VAMP7: variants seen among roughly 807,000 people sequenced by gnomAD.
The protein encoded by VAMP7 is vesicle-associated membrane protein 7.
VAMP7 carries 14 observed loss-of-function variants against 29.6 expected under a neutral mutation model. That is an observed-to-expected ratio of 0.47 (90% confidence interval 0.31 to 0.74). The LOEUF is 0.74. Among genes scored for constraint, VAMP7 ranks in the 30% least tolerant of loss-of-function variants. The probability of loss-of-function intolerance (pLI) is 0.05; values close to 1 mark genes in which losing one functional copy is unlikely to be tolerated. For synonymous variants in VAMP7, 95 were observed against 88.1 expected (o/e 1.08, Z -0.44); for missense variants, 223 against 262.4 (o/e 0.85, Z 1.04).
At chrX:155,903,691 A>T (rs2066103009) in intron 5 of VAMP7, among the ~76,000 whole-genome samples, 1 of 152,208 alleles carries the variant, frequency 6.6e-6, no homozygotes, top group Admixed American at 6.5e-5. Context: ...GCAGTCATTA[A>T]AAAGTCAGGA....
intron 5 of VAMP7, among the ~76,000 whole-genome samples, chrX:155,911,434 C>CT (rs1160014387): frequency 6.6e-6 from 1 of 151,984 alleles, no homozygotes; most frequent in East Asian, 1.9e-4. Flanking sequence ...TATTTGGACT[C>CT]TTTTTTGGTT....
intron 5 of VAMP7, among the ~76,000 whole-genome samples, chrX:155,901,384 A>T (rs5983815): frequency 0.016 from 2,365 of 152,052 alleles, 87 homozygotes; most frequent in African/African-American, 0.054. Flanking sequence ...AAATGTATTT[A>T]TTTTGCCCGA....
At chrX:155,920,683 A>T (rs540590138) in intron 6 of VAMP7, among the ~76,000 whole-genome samples, 1 of 152,320 alleles carries the variant, frequency 6.6e-6, no homozygotes, top group African/African-American at 2.4e-5. Context: ...CAAATGACTT[A>T]ACCTCTTTGT....
intron 3 of VAMP7, among the ~76,000 whole-genome samples, chrX:155,897,092 G>A (rs1459455478): frequency 6.6e-6 from 1 of 151,964 alleles, no homozygotes; most frequent in Non-Finnish European, 1.5e-5. Flanking sequence ...ACAGTATTTT[G>A]AGATATCTGT....
At chrX:155,931,715 G>GCTTTGTCA (rs1485904265) in intron 6 of VAMP7, among the ~76,000 whole-genome samples, 100 of 152,102 alleles carry the variant, frequency 6.6e-4, no homozygotes, top group Admixed American at 1.1e-3. Flanking sequence ...TCCTTAATTA[G>GCTTTGTCA]ATCCCATTTG....
chrX:155,932,679 A>G (rs1320586712), intron 6 of VAMP7, among the ~76,000 whole-genome samples: 1 of 152,080 alleles, frequency 6.6e-6, no homozygotes, highest in Non-Finnish European at 1.5e-5. Flanking sequence ...TCCTCTTTTC[A>G]TAATTGAATA....
rs2066761285 is a variant in VAMP7, at chrX:155,942,506, A to T, written c.*555A>T. On this transcript the variant is annotated 3_prime_UTR_variant, in exon 8 of 8. Transcript: ENST00000286448. ...TATGAAACATTCTTATTTCAGTTAG[A>T]TGGGGAACATTTTGCTAGCCCATTA... 4.2e-6 allele frequency: 1 copy of T among 236,836 alleles called. No homozygotes were observed. Among genetic ancestry groups the T allele is most frequent in the Non-Finnish European group, 8.3e-6 (1 of 121,058 alleles). The allele number at this position is 236,836 out of a possible 1,614,324, so 14.7% of individuals were successfully genotyped here.
intron 5 of VAMP7, among the ~76,000 whole-genome samples, chrX:155,906,778 C>T (rs2066153683): frequency 6.6e-6 from 1 of 152,030 alleles, no homozygotes; most frequent in African/African-American, 2.4e-5. Flanking sequence ...TTAATTCTTC[C>T]TTTTCAGTCT....
chrX:155,882,359 A>G (rs1192228078), intron 1 of VAMP7, among the ~76,000 whole-genome samples: 1 of 152,210 alleles, frequency 6.6e-6, no homozygotes, highest in Non-Finnish European at 1.5e-5. Flanking sequence ...ATTATGTTAT[A>G]TATTGGTTAA....
chrX:155,934,734 C>T (rs1398683014), intron 6 of VAMP7, among the ~76,000 whole-genome samples: 1 of 152,082 alleles, frequency 6.6e-6, no homozygotes, highest in Admixed American at 6.5e-5. Context: ...TGAATTTGAT[C>T]CTGTCATTAT....
chrX:155,920,796 AC>A (rs1208361732), intron 6 of VAMP7, among the ~76,000 whole-genome samples: 6 of 152,112 alleles, frequency 3.9e-5, no homozygotes, highest in Non-Finnish European at 8.8e-5. Context: ...AGTATTTGAT[AC>A]ATAGTAAGAG....
chrX:155,942,145 A>G lies in VAMP7; in HGVS notation c.*194A>G, dbSNP rs994046020. On this transcript the variant is annotated 3_prime_UTR_variant, in exon 8 of 8. Coordinates refer to ENST00000286448, the MANE Select transcript of VAMP7 (RefSeq NM_005638.6). ...CTACCAGTTTATTCCTGTGAACTTC[A>G]GATTGAACCATTCATTGCAGCAGTA... The G allele has an allele frequency of 5.1e-5, 79 of 1,550,938 alleles. No individual in the cohort carries two copies. Among genetic ancestry groups the G allele is most frequent in the Non-Finnish European group, 6.2e-5 (71 of 1,146,526 alleles).
intron 3 of VAMP7, among the ~76,000 whole-genome samples, chrX:155,896,702 C>T (rs1202072231): frequency 6.6e-6 from 1 of 152,110 alleles, no homozygotes; most frequent in East Asian, 1.9e-4. Flanking sequence ...CTCCCCTCCC[C>T]CTGCTTTCAA....
At chrX:155,900,362 G>A in intron 4 of VAMP7, 135 bp from the exon 5 acceptor site, 1 of 656,702 alleles carries the variant, frequency 1.5e-6, no homozygotes, top group Non-Finnish European at 2.5e-6. Context: ...TTCCAGTGAA[G>A]TGACATGTAT....
intron 6 of VAMP7, among the ~76,000 whole-genome samples, chrX:155,923,623 G>T (rs982679763): frequency 6.6e-6 from 1 of 151,204 alleles, no homozygotes; most frequent in East Asian, 1.9e-4. Flanking sequence ...TTTATCATTG[G>T]TTTTAAGAAA....
intron 6 of VAMP7, among the ~76,000 whole-genome samples, chrX:155,936,552 G>A (rs773491277): frequency 1.4e-4 from 22 of 152,316 alleles, no homozygotes; most frequent in African/African-American, 2.9e-4. Context: ...TTGGAAAAGC[G>A]CAGTATTAGG....
chrX:155,936,552 G>T (rs773491277), intron 6 of VAMP7, among the ~76,000 whole-genome samples: 1 of 152,198 alleles, frequency 6.6e-6, no homozygotes, highest in Non-Finnish European at 1.5e-5. Context: ...TTGGAAAAGC[G>T]CAGTATTAGG....
chrX:155,939,609 G>A, intron 6 of VAMP7, 92 bp from the exon 7 acceptor site: 1 of 917,324 alleles, frequency 1.1e-6, no homozygotes, highest in African/African-American at 1.6e-5. Flanking sequence ...GACTTAAATG[G>A]AATTAATGGA....
rs2124417920 is a variant in VAMP7 at position 155,942,282 on chromosome X, A to G, written c.*331A>G. ...GCTGTCGCCGCTAGTCTTATGAGCT[A>G]TCTACTAAAACTATGGAGAAACTTT... On this transcript the variant is annotated 3_prime_UTR_variant, in exon 8 of 8. Transcript: ENST00000286448. 3 of 1,048,624 alleles carry G rather than the reference A, an allele frequency of 2.9e-6. No homozygotes were observed. Among genetic ancestry groups the G allele is most frequent in the South Asian group, 1.7e-5 (1 of 57,332 alleles). The allele number at this position is 1,048,624 out of a possible 1,614,324, so 65.0% of individuals were successfully genotyped here. A position where few individuals can be genotyped will look rare whatever the true frequency, so the allele number is the denominator to read the frequency against.
Sources: allele counts gnomAD v4.1 joint callset (sites outside exome capture counted in the v4.1 genomes callset), GRCh38; gene constraint gnomAD v4.1.1; transcripts MANE v1.5; gene names NCBI Gene and HGNC (gene_info 2026-07-23, HGNC 2026-07-21).